TASOR: variants seen among roughly 807,000 people sequenced by gnomAD.
The protein encoded by TASOR is transcription activation suppressor.
Under a neutral mutation model 178.6 loss-of-function variants are expected in TASOR, and 53 were observed. That is an observed-to-expected ratio of 0.30 (90% CI 0.24 to 0.37). The LOEUF is 0.37. Ranked by LOEUF, TASOR falls within the 10% of genes least tolerant of loss-of-function variation. TASOR has a pLI of 1.00. For missense variants in TASOR, 1,815 were observed against 1,971.4 expected, an observed-to-expected ratio of 0.92 and a Z score of 1.50; for synonymous variants, 713 against 696.2, an observed-to-expected ratio of 1.02 and a Z score of -0.38.
rs901968335 is a variant in TASOR, at chr3:56,683,047, G to C, written c.-41C>G. 6.8e-7 allele frequency: 1 copy of C among 1,472,156 alleles called. No individual in the cohort carries two copies. Among genetic ancestry groups the C allele is most frequent in the African/African-American group, 1.4e-5 (1 of 70,602 alleles). The allele number at this position is 1,472,156 out of a possible 1,614,324, so 91.2% of individuals were successfully genotyped here. On this transcript the variant is annotated 5_prime_UTR_variant, in exon 1 of 24. Transcript: ENST00000683822. ...AGCTCTGGGAAGCTTCTGCCCACAA[G>C]GTCGACGGGTGTGGGGGGAAGGGGC...
At chr3:56,631,585 T>TC (rs1491268474) in intron 18 of TASOR, among the ~76,000 whole-genome samples, 1 of 92,628 alleles carries the variant, frequency 1.1e-5, no homozygotes, top group African/African-American at 5.1e-5. Context: ...TGTTTTTTTG[T>TC]TTTTTTTTTT....
intron 18 of TASOR, among the ~76,000 whole-genome samples, chr3:56,631,752 T>G (rs1389124222): frequency 6.6e-6 from 1 of 152,038 alleles, no homozygotes; most frequent in Non-Finnish European, 1.5e-5. Context: ...CCCGGCTAAT[T>G]TTTTGTACTT....
At chr3:56,646,105 G>T (rs192965049) in intron 14 of TASOR, among the ~76,000 whole-genome samples, 8 of 152,276 alleles carry the variant, frequency 5.3e-5, no homozygotes, top group Non-Finnish European at 1.0e-4. Context: ...CCGAGATCAT[G>T]CCACTACACT....
Position 56,633,060 on chromosome 3 carries a change from A to G in TASOR, c.3731T>C (p.Leu1244Pro). Reference protein sequence around the residue: ...FYIHEEEESVLCKEIKEYLIK... With the variant: ...FYIHEEEESVPCKEIKEYLIK... ...TTTAGTTACCTTTATTTCTTTACAG[A>G]GCACACTCTCTTCTTCTTCATGAAT... is the stretch of plus-strand genomic sequence containing the variant. The change falls in exon 18 of 24, where the codon CTC becomes CCC. Residue 1244 changes from leucine to proline, a missense_variant. Around this residue, in one of 5 missense-constraint regions of TASOR, gnomAD observed 655 missense variants for 671.1 expected, o/e 0.98. Coordinates refer to ENST00000683822, the MANE Select transcript of TASOR (RefSeq NM_001365635.2). The G allele has an allele frequency of 1.3e-6, 2 of 1,592,132 alleles. No homozygotes were observed. The highest frequency in any genetic ancestry group is 1.7e-6 in the Non-Finnish European group (2 of 1,172,228).
chr3:56,675,991 ATAG>A (rs1317963554), intron 1 of TASOR, among the ~76,000 whole-genome samples: 1 of 151,674 alleles, frequency 6.6e-6, no homozygotes, highest in African/African-American at 2.4e-5. Flanking sequence ...CACGAAAAAA[ATAG>A]TCAACAGTTA....
intron 23 of TASOR, chr3:56,623,990 C>A (rs902465963): frequency 3.1e-6 from 2 of 645,312 alleles, no homozygotes; most frequent in African/African-American, 3.7e-5. Flanking sequence ...AAAAGTACAT[C>A]TTTCATTTTA....
rs190438889 is a variant in TASOR, at chr3:56,644,717, A to T, written c.2215+1805T>A. 1.0e-3 allele frequency among the ~76,000 whole-genome samples: 156 copies of T among 152,322 alleles called. 1 individual carries two copies. Among genetic ancestry groups the T allele is most frequent in the Non-Finnish European group, 5.9e-4 (40 of 68,014 alleles). On this transcript the variant is annotated intron_variant, in intron 14 of 23. Transcript: ENST00000683822. ...AAGGTAGTAAGTCAGGAAGGCCACC[A>T]AAGAGATAAAGAACACAGACAAAGA... is the stretch of plus-strand genomic sequence containing the variant.
chr3:56,625,655 A>G (rs1559812071), intron 21 of TASOR, among the ~76,000 whole-genome samples: 1 of 152,226 alleles, frequency 6.6e-6, no homozygotes, highest in Non-Finnish European at 1.5e-5. Context: ...CTTAAAAAAT[A>G]AAATTAAATA....
At chr3:56,680,410 C>T (rs1182148892) in intron 1 of TASOR, among the ~76,000 whole-genome samples, 2 of 151,938 alleles carry the variant, frequency 1.3e-5, no homozygotes, top group East Asian at 3.8e-4. Flanking sequence ...ACTGGGAAGA[C>T]CAAAAAAAGA....
chr3:56,649,117 G>T, intron 11 of TASOR, 60 bp from the exon 12 acceptor site: 3 of 1,249,530 alleles, frequency 2.4e-6, no homozygotes, highest in South Asian at 3.1e-5. Flanking sequence ...CCATAAGGCA[G>T]ACACACAGCA....
rs2077194549 is a variant in TASOR at position 56,644,502 on chromosome 3, A to G, written c.2215+2020T>C. Among the ~76,000 whole-genome samples, 3 of 152,214 alleles carry G rather than the reference A, an allele frequency of 2.0e-5. No individual in the cohort carries two copies. In the South Asian group the frequency reaches 6.2e-4, roughly 32 times the overall value. On this transcript the variant is annotated intron_variant, in intron 14 of 23. Coordinates refer to ENST00000683822, the MANE Select transcript of TASOR (RefSeq NM_001365635.2). ...TTCAGGAAAAAAAAGAGGGAAATAA[A>G]AGACTGACCATGACATACTCTAGGC...
intron 13 of TASOR, among the ~76,000 whole-genome samples, chr3:56,648,539 G>C (rs776548054): frequency 2.7e-5 from 4 of 149,344 alleles, no homozygotes; most frequent in Admixed American, 2.0e-4. Context: ...GCTGAGGCAG[G>C]AGAATCACTT....
intron 18 of TASOR, among the ~76,000 whole-genome samples, chr3:56,629,307 A>G (rs558669859): frequency 6.6e-6 from 1 of 152,186 alleles, no homozygotes; most frequent in Non-Finnish European, 1.5e-5. Context: ...TGACTATAAT[A>G]TCCTATGAGA....
intron 11 of TASOR, among the ~76,000 whole-genome samples, chr3:56,652,486 C>T (rs779804902): frequency 1.3e-5 from 2 of 149,918 alleles, no homozygotes; most frequent in African/African-American, 2.5e-5. Context: ...CCCAGAAAGT[C>T]GAGGGTGCAG....
In TASOR at chr3:56,660,960, G is replaced by A. The variant is rs765718045; in HGVS notation, c.1218C>T (p.Ile406=). ...VMSIDHLKQK[I]PPALFYKETY... is the part of the protein sequence containing the mutation. ...TTTCCTTATAAAACAGTGCTGGAGGGATTTTCTGTTTCAGATGATCAATAC... is the reference window on the plus strand; with the variant it reads ...TTTCCTTATAAAACAGTGCTGGAGGAATTTTCTGTTTCAGATGATCAATAC... The change falls in exon 10 of 24, where the codon ATC becomes ATT. Residue 406 remains isoleucine (I), a synonymous_variant. Transcript: ENST00000683822. The A allele has an allele frequency of 8.1e-6, 13 of 1,610,932 alleles. No individual in the cohort carries two copies. In the East Asian group the frequency reaches 2.7e-4, roughly 33 times the overall value.
rs1251087746 is a variant in TASOR at position 56,620,986 on chromosome 3, A to G, written c.*2051T>C. The G allele has an allele frequency of 7.3e-6, 1 of 137,744 alleles. No homozygotes were observed. The highest frequency in any genetic ancestry group is 2.0e-4 in the East Asian group (1 of 4,934). The allele number at this position is 137,744 out of a possible 1,614,324, so 8.5% of individuals were successfully genotyped here. A position where few individuals can be genotyped will look rare whatever the true frequency, so the allele number is the denominator to read the frequency against. The stretch of plus-strand genomic sequence containing the variant: ...GCTAACACAGTGAAACCCTGTCTCT[A>G]CTAAAAATACAAAAAGTTAGTTAGT... On this transcript the variant is annotated 3_prime_UTR_variant, in exon 24 of 24. Coordinates refer to ENST00000683822, the MANE Select transcript of TASOR (RefSeq NM_001365635.2).
intron 13 of TASOR, 112 bp downstream of exon 13, chr3:56,648,710 T>C: frequency 3.2e-6 from 2 of 623,324 alleles, no homozygotes. Context: ...ACCCCCAGTA[T>C]TTCCTGAAAC....
At chr3:56,641,849 T>C in intron 14 of TASOR, 97 bp from the exon 15 acceptor site, 3 of 1,293,792 alleles carry the variant, frequency 2.3e-6, no homozygotes, top group Admixed American at 2.6e-5. Flanking sequence ...AAAGCATTTA[T>C]GGTCAGGAAC....
In TASOR at chr3:56,627,959, A is replaced by G. The variant is rs2306929; in HGVS notation, c.3871-218T>C. 3.7e-4 allele frequency among the ~76,000 whole-genome samples: 56 copies of G among 152,344 alleles called. No individual in the cohort carries two copies. In the East Asian group the frequency reaches 9.8e-3, roughly 27 times the overall value. ...GGACCTACCACAGACGACTAAGGAAAAGGAGCTTACAATAGACCTGAAAAC... is the reference window on the plus strand; with the variant it reads ...GGACCTACCACAGACGACTAAGGAAGAGGAGCTTACAATAGACCTGAAAAC... On this transcript the variant is annotated intron_variant, in intron 19 of 23. Transcript: ENST00000683822.
Sources: gnomAD v4.1 joint callset for allele counts (sites outside exome capture counted in the v4.1 genomes callset) on GRCh38, gnomAD v4.1.1 for gene constraint, gnomAD v4.1.1 regional missense constraint, MANE v1.5 for transcripts, NCBI Gene and HGNC (gene_info 2026-07-23, HGNC 2026-07-21) for gene names.